Variants in ANKRD12 observed in about 807,000 individuals in gnomAD.
ANKRD12 encodes the protein ankyrin repeat domain 12, also known as ankyrin repeat domain-containing protein 12.
In ANKRD12, 85 loss-of-function variants were observed where a neutral mutation model predicts 183.4. The observed-to-expected ratio is 0.46, with a 90% CI of 0.39 to 0.56. The LOEUF (loss-of-function observed/expected upper bound fraction) is 0.56, where lower values mean the gene tolerates loss of function less well. ANKRD12 is among the 20% of genes least tolerant of loss of function. The pLI is 0.00. For missense variants in ANKRD12, 2,405 were observed against 2,357.1 expected, an observed-to-expected ratio of 1.02 and a Z score of -0.42; for synonymous variants, 914 against 800.2, an observed-to-expected ratio of 1.14 and a Z score of -2.40.
chr18:9,189,680 G>C (rs1167688587), intron 2 of ANKRD12, among the ~76,000 whole-genome samples: 1 of 152,184 alleles, frequency 6.6e-6, no homozygotes, highest in Non-Finnish European at 1.5e-5. Context: ...TACTCTGCCT[G>C]TACCTTATCA....
At chr18:9,204,671 C>T (rs1001664203) in intron 4 of ANKRD12, 127 bp downstream of exon 4, 24 of 681,608 alleles carry the variant, frequency 3.5e-5, no homozygotes, top group Admixed American at 3.7e-5. Flanking sequence ...AAATGAACTA[C>T]GTGGGTGACA....
At chr18:9,154,229 C>A (rs902357554) in intron 1 of ANKRD12, among the ~76,000 whole-genome samples, 1 of 152,074 alleles carries the variant, frequency 6.6e-6, no homozygotes, top group Non-Finnish European at 1.5e-5. Context: ...CAAGACCAGT[C>A]TTGGCAACAT....
At chr18:9,270,380 T>C (rs1238587581) in intron 10 of ANKRD12, among the ~76,000 whole-genome samples, 1 of 152,136 alleles carries the variant, frequency 6.6e-6, no homozygotes, top group Admixed American at 6.5e-5. Flanking sequence ...CCAACAATGA[T>C]AGACTGGATT....
In ANKRD12 at chr18:9,258,377, C is replaced by G. The variant is rs372617819; in HGVS notation, c.5110C>G (p.Gln1704Glu). 4 of 1,613,656 alleles carry G rather than the reference C, an allele frequency of 2.5e-6. No individual in the cohort carries two copies. Among genetic ancestry groups the G allele is most frequent in the Non-Finnish European group, 3.4e-6 (4 of 1,179,902 alleles). The change falls in exon 9 of 13, where the codon CAA (glutamine) becomes GAA (glutamate). Residue 1704 changes from glutamine to glutamate, a missense_variant. This residue lies in a region of ANKRD12 where 1,983 missense variants were observed against 1,725.9 expected (regional missense o/e 1.15). Transcript: ENST00000262126. ...SLENHSQQST[Q>E]PEMHKYGQLV... is the part of the protein sequence containing the mutation. ...GGAAAACCATTCACAGCAGTCAACT[C>G]AACCAGAAATGCATAAATATGGTCA...
intron 1 of ANKRD12, among the ~76,000 whole-genome samples, chr18:9,140,450 T>C (rs1192785455): frequency 6.6e-6 from 1 of 152,196 alleles, no homozygotes; most frequent in East Asian, 1.9e-4. Flanking sequence ...AGTCTGACTT[T>C]CCCTGGAGAA....
chr18:9,278,822 C>T (rs1329589598), intron 11 of ANKRD12, among the ~76,000 whole-genome samples: 1 of 151,822 alleles, frequency 6.6e-6, no homozygotes, highest in Non-Finnish European at 1.5e-5. Context: ...GAGCTACCTG[C>T]TGCCTGGATG....
chr18:9,254,879 A>C lies in ANKRD12; in HGVS notation c.1612A>C (p.Ile538Leu). ...KDDTSLHLFH[I>L]STGKSPKHSC... ...TGATACTTCATTACATTTATTTCAT[A>C]TTTCCACTGGTAAATCTCCCAAACA... is the stretch of plus-strand genomic sequence containing the variant. The change falls in exon 9 of 13, where the codon ATT (isoleucine) becomes CTT (leucine). Residue 538 changes from isoleucine (I) to leucine (L), a missense_variant. By Grantham distance (5) the Ile-to-Leu change is conservative. Transcript: ENST00000262126. 5.8e-6 allele frequency: 9 copies of C among 1,539,834 alleles called. No individual in the cohort carries two copies. Among genetic ancestry groups the C allele is most frequent in the Non-Finnish European group, 7.8e-6 (9 of 1,148,348 alleles).
At chr18:9,206,496 A>C (rs950085899) in intron 4 of ANKRD12, among the ~76,000 whole-genome samples, 1 of 152,026 alleles carries the variant, frequency 6.6e-6, no homozygotes, top group Non-Finnish European at 1.5e-5. Context: ...ATACTTTGGG[A>C]CATACTAGTC....
Position 9,257,701 on chromosome 18 carries a change from T to C in ANKRD12, c.4434T>C (p.Cys1478=), listed in dbSNP as rs762947313. ...AGACTGAACTGCCAGGAAACTCTTG[T>C]GCTCAGGATCCGGCATCCTTTATGC... ...LRQTELPGNS[C]AQDPASFMPP... The change falls in exon 9 of 13, where the codon TGT becomes TGC. Residue 1478 remains cysteine, a synonymous_variant. Transcript: ENST00000262126. 1.5e-5 allele frequency: 24 copies of C among 1,613,980 alleles called. No homozygotes were observed. The highest frequency in any genetic ancestry group is 1.9e-5 in the Non-Finnish European group (23 of 1,179,996).
rs115199552 is a variant in ANKRD12, at chr18:9,258,952, C to T, written c.5664+21C>T. ...CCACAGTAAGTAACATCATCACTTG[C>T]TATACACCTGTAACACTGCCCAATA... On this transcript the variant is annotated intron_variant, in intron 9 of 12. Coordinates refer to ENST00000262126, the MANE Select transcript of ANKRD12 (RefSeq NM_015208.5). 4.2e-5 allele frequency: 67 copies of T among 1,579,932 alleles called. 1 individual carries two copies. In the African/African-American group the frequency reaches 8.3e-4, roughly 19 times the overall value.
intron 7 of ANKRD12, among the ~76,000 whole-genome samples, chr18:9,218,795 A>C (rs2036257945): frequency 6.6e-6 from 1 of 151,632 alleles, no homozygotes; most frequent in Non-Finnish European, 1.5e-5. Flanking sequence ...TTAGCTTCCC[A>C]AGTAGCTGGA....
rs1285615256 is a variant in ANKRD12 at position 9,255,690 on chromosome 18, T to G, written c.2423T>G (p.Ile808Ser). Residue 808 changes from isoleucine to serine, a missense_variant, in exon 9 of 13, where the codon ATT becomes AGT. By Grantham distance (142) the Ile-to-Ser change is moderately radical. This residue lies in a region of ANKRD12 where 1,983 missense variants were observed against 1,725.9 expected (regional missense o/e 1.15). Transcript: ENST00000262126. ...CATTTAGTGGAAAAGGAAATAGACA[T>G]TGAAAAACAAGAAAAGCATATAAAG... ...GLHLVEKEID[I>S]EKQEKHIKES... 3.8e-6 allele frequency: 6 copies of G among 1,593,472 alleles called. No individual in the cohort carries two copies. The highest frequency in any genetic ancestry group is 5.1e-6 in the Non-Finnish European group (6 of 1,174,486).
chr18:9,263,934 C>T (rs775287225), intron 10 of ANKRD12, 46 bp downstream of exon 10: 1 of 1,271,424 alleles, frequency 7.9e-7, no homozygotes, highest in Non-Finnish European at 1.1e-6. Flanking sequence ...TAACTGGTTT[C>T]TAGCAATAAA....
At chr18:9,269,146 C>A (rs1471934345) in intron 10 of ANKRD12, among the ~76,000 whole-genome samples, 1 of 152,186 alleles carries the variant, frequency 6.6e-6, no homozygotes, top group Non-Finnish European at 1.5e-5. Context: ...GAAGAACATT[C>A]CAAGCTCATG....
chr18:9,167,513 C>T (rs1271894037), intron 1 of ANKRD12, among the ~76,000 whole-genome samples: 1 of 152,112 alleles, frequency 6.6e-6, no homozygotes, highest in Non-Finnish European at 1.5e-5. Context: ...ATTTGGCTCT[C>T]TGTTTGTTTG....
intron 1 of ANKRD12, among the ~76,000 whole-genome samples, chr18:9,177,303 A>G (rs747304479): frequency 1.8e-4 from 28 of 152,310 alleles, no homozygotes; most frequent in Admixed American, 1.4e-3. Context: ...CCGTACCGCT[A>G]TGCATCATTG....
chr18:9,174,126 C>T (rs1242262242), intron 1 of ANKRD12, among the ~76,000 whole-genome samples: 1 of 152,230 alleles, frequency 6.6e-6, no homozygotes, highest in East Asian at 1.9e-4. Context: ...GACTCCTCCT[C>T]ATCAGGACCA....
chr18:9,171,946 G>A (rs1258569965), intron 1 of ANKRD12, among the ~76,000 whole-genome samples: 1 of 151,746 alleles, frequency 6.6e-6, no homozygotes, highest in Non-Finnish European at 1.5e-5. Flanking sequence ...CTTGAACCCG[G>A]GAGGTGGAGG....
intron 2 of ANKRD12, among the ~76,000 whole-genome samples, chr18:9,186,136 G>GTTTTTTTTTTTTTTTT (rs1280812557): frequency 1.5e-4 from 21 of 141,932 alleles, no homozygotes; most frequent in South Asian, 4.4e-4. Flanking sequence ...CTAAAAGTGT[G>GTTTTTTTTTTTTTTTT]ATTTTTTTTT....
Sources: allele counts gnomAD v4.1 joint callset (sites outside exome capture counted in the v4.1 genomes callset), GRCh38; gene constraint gnomAD v4.1.1; regional missense constraint gnomAD v4.1.1; transcripts MANE v1.5; gene names NCBI Gene and HGNC (gene_info 2026-07-23, HGNC 2026-07-21).